HCN1: variants seen among roughly 807,000 people sequenced by gnomAD.
HCN1 encodes potassium/sodium hyperpolarization-activated cyclic nucleotide-gated channel 1.
Under a neutral mutation model 78.9 loss-of-function variants are expected in HCN1, and 13 were observed. That is an observed-to-expected ratio of 0.16 (90% CI 0.11 to 0.26). The LOEUF (loss-of-function observed/expected upper bound fraction) is 0.26. Ranked by LOEUF, HCN1 falls within the 10% of genes least tolerant of loss-of-function variation. The pLI is 1.00. For synonymous variants in HCN1, 552 were observed against 455.5 expected, an observed-to-expected ratio of 1.21 and a Z score of -2.70; for missense variants, 810 against 1,154.3, an observed-to-expected ratio of 0.70 and a Z score of 4.32.
chr5:45,542,543 C>T (rs1158705896), intron 2 of HCN1, among the ~76,000 whole-genome samples: 1 of 151,960 alleles, frequency 6.6e-6, no homozygotes, highest in Non-Finnish European at 1.5e-5. Context: ...CATTGCTGTG[C>T]TTTCTAAGGT....
At chr5:45,451,255 C>T (rs1043255689) in intron 3 of HCN1, among the ~76,000 whole-genome samples, 1 of 151,988 alleles carries the variant, frequency 6.6e-6, no homozygotes, top group Non-Finnish European at 1.5e-5. Flanking sequence ...TATTTATTTA[C>T]ATTTCTTTTT....
intron 2 of HCN1, among the ~76,000 whole-genome samples, chr5:45,628,714 G>A (rs1451941221): frequency 2.0e-5 from 3 of 152,074 alleles, no homozygotes; most frequent in African/African-American, 4.8e-5. Context: ...AGTGGCTCAC[G>A]CGTGTGATTC....
chr5:45,657,971 T>C (rs975497906), intron 1 of HCN1, among the ~76,000 whole-genome samples: 1 of 152,158 alleles, frequency 6.6e-6, no homozygotes, highest in African/African-American at 2.4e-5. Flanking sequence ...GGAGGCATCA[T>C]GCTACCTGAC....
chr5:45,298,296 CA>C (rs1745539453), intron 6 of HCN1, among the ~76,000 whole-genome samples: 1 of 152,008 alleles, frequency 6.6e-6, no homozygotes, highest in African/African-American at 2.4e-5. Flanking sequence ...TCCACATGAG[CA>C]TGTTCAGCTC....
intron 1 of HCN1, among the ~76,000 whole-genome samples, chr5:45,667,432 T>C (rs1746070680): frequency 1.3e-5 from 2 of 151,994 alleles, no homozygotes; most frequent in South Asian, 2.1e-4. Context: ...TAAAGGTATT[T>C]AAGACTTACA....
chr5:45,272,241 A>G (rs1279806213), intron 6 of HCN1, among the ~76,000 whole-genome samples: 1 of 152,080 alleles, frequency 6.6e-6, no homozygotes, highest in Non-Finnish European at 1.5e-5. Flanking sequence ...TATTTGCCAT[A>G]TCTGTGTGTA....
chr5:45,443,485 C>T (rs1272585128), intron 3 of HCN1, among the ~76,000 whole-genome samples: 2 of 151,928 alleles, frequency 1.3e-5, no homozygotes, highest in Non-Finnish European at 2.9e-5. Flanking sequence ...CCTAAGTCCC[C>T]TAAGTAAATG....
chr5:45,423,496 G>T (rs1344174376), intron 3 of HCN1, among the ~76,000 whole-genome samples: 1 of 152,126 alleles, frequency 6.6e-6, no homozygotes, highest in Non-Finnish European at 1.5e-5. Flanking sequence ...TCCTGCATCA[G>T]TGTTTCTCCT....
intron 6 of HCN1, among the ~76,000 whole-genome samples, chr5:45,290,776 T>A (rs1745356029): frequency 6.6e-6 from 1 of 151,998 alleles, no homozygotes; most frequent in Non-Finnish European, 1.5e-5. Flanking sequence ...ATAATGGGAA[T>A]GTTATAGTCT....
At chr5:45,488,970 A>T (rs1422384120) in intron 2 of HCN1, among the ~76,000 whole-genome samples, 1 of 152,170 alleles carries the variant, frequency 6.6e-6, no homozygotes, top group Non-Finnish European at 1.5e-5. Flanking sequence ...CACTGAATAA[A>T]ACAGTTGCTG....
intron 2 of HCN1, among the ~76,000 whole-genome samples, chr5:45,606,295 A>G (rs1012528444): frequency 3.3e-5 from 5 of 151,970 alleles, no homozygotes; most frequent in Non-Finnish European, 5.9e-5. Flanking sequence ...TACAGAACAG[A>G]TTGTGTGTGG....
intron 4 of HCN1, among the ~76,000 whole-genome samples, chr5:45,379,651 T>C (rs1309250956): frequency 6.6e-6 from 1 of 152,112 alleles, no homozygotes; most frequent in African/African-American, 2.4e-5. Context: ...AACATTGTGG[T>C]TACCACAAAT....
At chr5:45,547,672 C>A (rs1299430952) in intron 2 of HCN1, among the ~76,000 whole-genome samples, 1 of 151,838 alleles carries the variant, frequency 6.6e-6, no homozygotes, top group Non-Finnish European at 1.5e-5. Context: ...TTATTTTGTA[C>A]TGCAATTTTT....
chr5:45,419,351 G>A (rs1456885149), intron 3 of HCN1, among the ~76,000 whole-genome samples: 1 of 152,072 alleles, frequency 6.6e-6, no homozygotes, highest in African/African-American at 2.4e-5. Flanking sequence ...GGAGTGTGAA[G>A]AATGAGACAA....
intron 5 of HCN1, among the ~76,000 whole-genome samples, chr5:45,317,855 C>T (rs1272813814): frequency 6.6e-6 from 1 of 152,094 alleles, no homozygotes; most frequent in African/African-American, 2.4e-5. Flanking sequence ...CAAATCAAAA[C>T]CACAATGAGA....
chr5:45,538,789 A>C (rs1743025132), intron 2 of HCN1, among the ~76,000 whole-genome samples: 1 of 152,250 alleles, frequency 6.6e-6, no homozygotes, highest in Non-Finnish European at 1.5e-5. Flanking sequence ...GATTTCTTGT[A>C]GCAAGTGAAG....
chr5:45,542,538 C>T (rs1359392331), intron 2 of HCN1, among the ~76,000 whole-genome samples: 1 of 151,984 alleles, frequency 6.6e-6, no homozygotes, highest in Non-Finnish European at 1.5e-5. Context: ...GGGAACATTG[C>T]TGTGCTTTCT....
At chr5:45,277,489 T>C (rs1579773576) in intron 6 of HCN1, among the ~76,000 whole-genome samples, 1 of 152,200 alleles carries the variant, frequency 6.6e-6, no homozygotes, top group Admixed American at 6.6e-5. Context: ...AAAACAATGC[T>C]AGGCTGTGTC....
At chr5:45,276,897 G>A (rs1429069824) in intron 6 of HCN1, among the ~76,000 whole-genome samples, 1 of 152,004 alleles carries the variant, frequency 6.6e-6, no homozygotes, top group Non-Finnish European at 1.5e-5. Flanking sequence ...GGAACAGGAG[G>A]GGAGAGGAGA....
Sources: allele counts gnomAD v4.1 joint callset (sites outside exome capture counted in the v4.1 genomes callset), GRCh38; gene constraint gnomAD v4.1.1; transcripts MANE v1.5; gene names NCBI Gene and HGNC (gene_info 2026-07-23, HGNC 2026-07-21).